Variants in JAM3 observed in about 807,000 individuals in gnomAD.
JAM3 encodes the protein junctional adhesion molecule C.
Under a neutral mutation model 39.4 loss-of-function variants are expected in JAM3, and 31 were observed. The observed-to-expected ratio is 0.79, with a 90% CI of 0.59 to 1.06. The LOEUF is 1.06. JAM3 is among the 50% of genes least tolerant of loss of function. The probability of loss-of-function intolerance (pLI) is 0.00; values close to 1 mark genes in which losing one functional copy is unlikely to be tolerated. For missense variants in JAM3, 455 were observed against 391.4 expected (o/e 1.16, Z -1.37); for synonymous variants, 182 against 148.7 (o/e 1.22, Z -1.63).
At chr11:134,119,679 TTTTA>T (rs966511307) in intron 1 of JAM3, among the ~76,000 whole-genome samples, 44 of 152,290 alleles carry the variant, frequency 2.9e-4, no homozygotes, top group African/African-American at 1.1e-3. Context: ...AGTCTTTGTG[TTTTA>T]TTTAAATGAT....
At chr11:134,121,821 G>GCGCGCA (rs369702081) in intron 1 of JAM3, among the ~76,000 whole-genome samples, 4,254 of 148,502 alleles carry the variant, frequency 0.029, 161 homozygotes, top group African/African-American at 0.088. Context: ...GCATGTGTGC[G>GCGCGCA]CACACACACA....
At chr11:134,123,449 G>A (rs1196185740) in intron 1 of JAM3, among the ~76,000 whole-genome samples, 1 of 152,098 alleles carries the variant, frequency 6.6e-6, no homozygotes, top group African/African-American at 2.4e-5. Flanking sequence ...AATGAAGAGT[G>A]TGCTCCCCAG....
chr11:134,133,190 G>T (rs1241122879), intron 1 of JAM3, among the ~76,000 whole-genome samples: 2 of 151,306 alleles, frequency 1.3e-5, no homozygotes, highest in Non-Finnish European at 2.9e-5. Context: ...TATTTTTGGT[G>T]TGTGGAATAT....
intron 1 of JAM3, among the ~76,000 whole-genome samples, chr11:134,107,350 G>T (rs1263011738): frequency 1.3e-5 from 2 of 152,178 alleles, no homozygotes; most frequent in South Asian, 4.2e-4. Flanking sequence ...GGAGAGGGGG[G>T]AGGGATAGCA....
Position 134,149,636 on chromosome 11 carries a change from T to A in JAM3, c.*455T>A, listed in dbSNP as rs1943154256. 2 of 459,778 alleles carry A rather than the reference T, an allele frequency of 4.3e-6. No individual in the cohort carries two copies. Among genetic ancestry groups the A allele is most frequent in the African/African-American group, 2.0e-5 (1 of 50,254 alleles). 28.5% of individuals were successfully genotyped at this position (459,778 alleles called of 1,614,324 possible). A position where few individuals can be genotyped will look rare whatever the true frequency, so the allele number is the denominator to read the frequency against. On this transcript the variant is annotated 3_prime_UTR_variant, in exon 9 of 9. Coordinates refer to ENST00000299106, the MANE Select transcript of JAM3 (RefSeq NM_032801.5). ...CGGCGGGAACCCAGAAAAGGCTTCT[T>A]ACACAGCAGCCTTACTTCATCGGCC...
intron 1 of JAM3, among the ~76,000 whole-genome samples, chr11:134,069,512 G>A (rs1337215847): frequency 6.6e-6 from 1 of 151,618 alleles, no homozygotes; most frequent in Admixed American, 6.6e-5. Context: ...CATCCCCCGG[G>A]TGGGCTCCTC....
At position 134,140,762 on chromosome 11, in the gene JAM3, A is replaced by C. The variant is rs373210401; in HGVS notation, c.248A>C (p.Lys83Thr). ...EQTTYVFFDN[K>T]IQGDLAGRAE... ...ACCACATATGTGTTTTTTGACAACA[A>C]AATTCAGGGTATGATCCTGTAGTCC... The change falls in exon 3 of 9, where the codon AAA becomes ACA. Residue 83 changes from lysine (K) to threonine (T), a missense_variant. Physicochemically the swap from Lys to Thr is moderately conservative, Grantham distance 78. Coordinates refer to ENST00000299106, the MANE Select transcript of JAM3 (RefSeq NM_032801.5). 1 of 1,613,362 alleles carries C rather than the reference A, an allele frequency of 6.2e-7. No homozygotes were observed.
chr11:134,069,364 GAC>G (rs1941449564), intron 1 of JAM3, among the ~76,000 whole-genome samples: 3 of 152,264 alleles, frequency 2.0e-5, no homozygotes, highest in South Asian at 4.1e-4. Context: ...GGGGCCCTGG[GAC>G]GCCCGGCAGT....
chr11:134,079,290 C>T (rs1941625309), intron 1 of JAM3, among the ~76,000 whole-genome samples: 1 of 152,182 alleles, frequency 6.6e-6, no homozygotes, highest in Non-Finnish European at 1.5e-5. Flanking sequence ...CTATTCCACA[C>T]TAGACAGCCA....
At position 134,146,168 on chromosome 11, in the gene JAM3, G is replaced by T. The variant is rs1943067374; in HGVS notation, c.712+123G>T. On this transcript the variant is annotated intron_variant, in intron 6 of 8. Coordinates refer to ENST00000299106, the MANE Select transcript of JAM3 (RefSeq NM_032801.5). ...CATGGGTTAGCTTTCTTCTGGAGCTGCCTAGGTCCACCAGAACCCACTGCA... is the reference window on the plus strand; with the variant it reads ...CATGGGTTAGCTTTCTTCTGGAGCTTCCTAGGTCCACCAGAACCCACTGCA... The T allele has an allele frequency of 4.6e-5, 35 of 752,802 alleles. No homozygotes were observed. The South Asian group carries it at 4.9e-4, about 10-fold the overall frequency. The allele number at this position is 752,802 out of a possible 1,614,324, so 46.6% of individuals were successfully genotyped here.
chr11:134,072,393 G>A (rs112268528), intron 1 of JAM3, among the ~76,000 whole-genome samples: 36 of 148,572 alleles, frequency 2.4e-4, no homozygotes, highest in African/African-American at 8.5e-4. Context: ...GCAAAACTCC[G>A]CCTCCCAGGT....
intron 1 of JAM3, among the ~76,000 whole-genome samples, chr11:134,082,486 T>C (rs1941683517): frequency 6.6e-6 from 1 of 152,130 alleles, no homozygotes; most frequent in South Asian, 2.1e-4. Context: ...CGATGGGAGA[T>C]AATGGAATCA....
chr11:134,125,194 C>T lies in JAM3; in HGVS notation c.77-14657C>T, dbSNP rs192003875. On this transcript the variant is annotated intron_variant, in intron 1 of 8. Transcript: ENST00000299106. ...TCGTGCCGCCGCCACCGCCGCTGCA[C>T]GGGCAGCCAAAAGCAGCTCCCGCCC... 1.5e-4 allele frequency among the ~76,000 whole-genome samples: 23 copies of T among 152,354 alleles called. No homozygotes were observed. The East Asian group carries it at 4.2e-3, about 28-fold the overall frequency.
intron 1 of JAM3, among the ~76,000 whole-genome samples, chr11:134,097,856 ATATATG>A (rs1942010104): frequency 1.3e-5 from 2 of 151,178 alleles, no homozygotes. Context: ...TTTCTTTTAT[ATATATG>A]TATATATATA....
At chr11:134,139,544 G>GTGT (rs566676904) in intron 1 of JAM3, 2 of 377,764 alleles carry the variant, frequency 5.3e-6, no homozygotes, top group Non-Finnish European at 1.0e-5. Flanking sequence ...GGGAGGAGAG[G>GTGT]TGTCGAAGGG....
rs142256676 is a variant in JAM3, at chr11:134,069,076, C to A, written c.-8C>A. ...CGCGCTGCCGCTGGCCCCTCAGCAACCCTCGACATGGCGCTGAGGCGGCCA... is the reference window on the plus strand; with the variant it reads ...CGCGCTGCCGCTGGCCCCTCAGCAAACCTCGACATGGCGCTGAGGCGGCCA... On this transcript the variant is annotated 5_prime_UTR_variant, in exon 1 of 9. Transcript: ENST00000299106. 54 of 1,609,726 alleles carry A rather than the reference C, an allele frequency of 3.4e-5. No homozygotes were observed. Among genetic ancestry groups the A allele is most frequent in the Non-Finnish European group, 4.5e-5 (53 of 1,178,600 alleles).
intron 1 of JAM3, among the ~76,000 whole-genome samples, chr11:134,095,030 G>C (rs1313988551): frequency 6.6e-6 from 1 of 152,244 alleles, no homozygotes; most frequent in Admixed American, 6.5e-5. Context: ...TGTAGTGAAT[G>C]AAAGTGTAAT....
chr11:134,072,453 C>T (rs961267323), intron 1 of JAM3, among the ~76,000 whole-genome samples: 1 of 152,008 alleles, frequency 6.6e-6, no homozygotes, highest in Non-Finnish European at 1.5e-5. Context: ...ATTACAGATG[C>T]GTGCCACCTT....
chr11:134,145,036 TGGGGCAAGAGA>T (rs1565505874), intron 5 of JAM3, 42 bp downstream of exon 5: 9 of 1,473,780 alleles, frequency 6.1e-6, no homozygotes, highest in Non-Finnish European at 7.6e-6. Context: ...ATGTCTTTGT[TGGGGCAAGAGA>T]TGCTTATTGT....
Sources: allele counts gnomAD v4.1 joint callset (sites outside exome capture counted in the v4.1 genomes callset), GRCh38; gene constraint gnomAD v4.1.1; transcripts MANE v1.5; gene names NCBI Gene and HGNC (gene_info 2026-07-23, HGNC 2026-07-21).